Variants in EPB41L3 observed in about 807,000 individuals in gnomAD.
EPB41L3 encodes erythrocyte membrane protein band 4.1 like 3.
A neutral mutation model predicts 127.1 loss-of-function variants in EPB41L3; 57 were observed. The ratio of observed to expected loss-of-function variants is 0.45; its 90% confidence interval spans 0.36 to 0.56. The LOEUF (loss-of-function observed/expected upper bound fraction) is 0.56. EPB41L3 is among the 20% of genes least tolerant of loss of function. EPB41L3 has a pLI of 0.00. For synonymous variants in EPB41L3, 572 were observed against 549.5 expected (o/e 1.04, Z -0.57); for missense variants, 1,273 against 1,372.2 (o/e 0.93, Z 1.14).
chr18:5,395,576 A>T (rs754916797), intron 20 of EPB41L3, 33 bp downstream of exon 20: 1 of 1,596,298 alleles, frequency 6.3e-7, no homozygotes, highest in South Asian at 1.1e-5. Flanking sequence ...CTCGCTCTCA[A>T]GGAATCCTCT....
chr18:5,569,500 TGA>T (rs1277530376), intron 3 of EPB41L3, among the ~76,000 whole-genome samples: 2 of 152,288 alleles, frequency 1.3e-5, no homozygotes, highest in African/African-American at 4.8e-5. Context: ...ACCTCAGGGA[TGA>T]GAGAGGGATG....
chr18:5,413,970 C>G (rs966881156), intron 13 of EPB41L3, among the ~76,000 whole-genome samples: 2 of 152,192 alleles, frequency 1.3e-5, no homozygotes, highest in African/African-American at 4.8e-5. Flanking sequence ...CTGATTACAA[C>G]AAGATGTATA....
At chr18:5,554,682 C>T (rs73385800) in intron 3 of EPB41L3, among the ~76,000 whole-genome samples, 8,457 of 152,164 alleles carry the variant, frequency 0.056, 703 homozygotes, top group African/African-American at 0.18. Flanking sequence ...AATGGTAAAG[C>T]CACCCCTCCC....
chr18:5,496,160 T>G (rs1276123267), intron 1 of EPB41L3, among the ~76,000 whole-genome samples: 1 of 152,256 alleles, frequency 6.6e-6, no homozygotes, highest in Non-Finnish European at 1.5e-5. Flanking sequence ...CTTTTAGCTT[T>G]TAAGTTCAAA....
At chr18:5,572,492 A>C (rs1047183935) in intron 3 of EPB41L3, among the ~76,000 whole-genome samples, 5 of 152,212 alleles carry the variant, frequency 3.3e-5, no homozygotes, top group African/African-American at 1.2e-4. Context: ...AACTAACAAC[A>C]AACAAAACAG....
intron 3 of EPB41L3, among the ~76,000 whole-genome samples, chr18:5,473,068 G>A (rs1256824845): frequency 2.0e-5 from 3 of 152,086 alleles, no homozygotes; most frequent in Non-Finnish European, 4.4e-5. Context: ...CACTAGACAA[G>A]CTCTAAGTAA....
intron 1 of EPB41L3, among the ~76,000 whole-genome samples, chr18:5,508,766 C>CAAA (rs397969769): frequency 0.018 from 915 of 52,160 alleles, 9 homozygotes; most frequent in Non-Finnish European, 0.031. Context: ...GACTCCATCT[C>CAAA]AAAAAAAAAA....
chr18:5,436,173 G>A (rs2079756039), intron 6 of EPB41L3, among the ~76,000 whole-genome samples: 5 of 152,100 alleles, frequency 3.3e-5, no homozygotes, highest in African/African-American at 1.2e-4. Context: ...GCACAGCCTA[G>A]TATATGGATA....
chr18:5,613,846 T>C (rs1014440839), intron 2 of EPB41L3, among the ~76,000 whole-genome samples: 1 of 152,232 alleles, frequency 6.6e-6, no homozygotes, highest in Non-Finnish European at 1.5e-5. Flanking sequence ...ATAAAAATAT[T>C]TATGTTAACA....
chr18:5,436,403 C>CTTTTT (rs34862547), intron 6 of EPB41L3, among the ~76,000 whole-genome samples: 1,246 of 100,584 alleles, frequency 0.012, 3 homozygotes, highest in East Asian at 0.027. Flanking sequence ...CATTTTCTTT[C>CTTTTT]TTTTTTTTTT....
upstream of EPB41L3, among the ~76,000 whole-genome samples, chr18:5,545,702 A>G (rs1354545243): frequency 2.0e-5 from 3 of 152,194 alleles, no homozygotes; most frequent in African/African-American, 7.2e-5. Flanking sequence ...AGACTATGGT[A>G]TTAAGACAGT....
intron 3 of EPB41L3, among the ~76,000 whole-genome samples, chr18:5,574,502 A>C (rs952752561): frequency 1.3e-5 from 2 of 149,538 alleles, no homozygotes; most frequent in African/African-American, 2.5e-5. Context: ...TAATCTTCCT[A>C]ATTTGATTCC....
At chr18:5,434,163 G>C in intron 6 of EPB41L3, 42 bp from the exon 7 acceptor site, 2 of 1,548,834 alleles carry the variant, frequency 1.3e-6, no homozygotes, top group South Asian at 2.2e-5. Context: ...GGCAGCATGA[G>C]GATACAGGAA....
intron 1 of EPB41L3, among the ~76,000 whole-genome samples, chr18:5,615,550 A>G (rs1193293217): frequency 6.6e-6 from 1 of 152,202 alleles, no homozygotes; most frequent in Non-Finnish European, 1.5e-5. Flanking sequence ...ATCACCGTAC[A>G]TTCGAAAATA....
chr18:5,442,431 G>T (rs1209571896), intron 5 of EPB41L3, among the ~76,000 whole-genome samples: 1 of 152,072 alleles, frequency 6.6e-6, no homozygotes, highest in African/African-American at 2.4e-5. Context: ...TAGAAGTATG[G>T]TTATACTTTT....
chr18:5,617,689 A>G (rs543276886), intron 1 of EPB41L3, among the ~76,000 whole-genome samples: 1 of 152,354 alleles, frequency 6.6e-6, no homozygotes, highest in African/African-American at 2.4e-5. Flanking sequence ...CTGCAAATAT[A>G]ATTAATTCAA....
chr18:5,593,910 G>T (rs2094511455), intron 3 of EPB41L3, among the ~76,000 whole-genome samples: 1 of 152,296 alleles, frequency 6.6e-6, no homozygotes, highest in African/African-American at 2.4e-5. Flanking sequence ...AGTTTAAGGT[G>T]ATCTCTCTTG....
chr18:5,611,666 G>A (rs1403279211), intron 3 of EPB41L3, among the ~76,000 whole-genome samples: 3 of 152,122 alleles, frequency 2.0e-5, no homozygotes, highest in South Asian at 2.1e-4. Context: ...AGTGGCTCAC[G>A]CCTGTAATCC....
intron 3 of EPB41L3, among the ~76,000 whole-genome samples, chr18:5,581,384 A>T (rs143641119): frequency 2.0e-5 from 3 of 152,340 alleles, no homozygotes; most frequent in African/African-American, 7.2e-5. Flanking sequence ...TTACAAAAAC[A>T]GTCTGTTAAA....
Sources: allele counts gnomAD v4.1 joint callset (sites outside exome capture counted in the v4.1 genomes callset), GRCh38; gene constraint gnomAD v4.1.1; transcripts MANE v1.5; gene names NCBI Gene and HGNC (gene_info 2026-07-23, HGNC 2026-07-21).